C1orf21: variants seen among roughly 807,000 people sequenced by gnomAD.
C1orf21 encodes the protein uncharacterized protein C1orf21.
C1orf21 carries 3 observed loss-of-function variants against 18.7 expected under a neutral mutation model. The ratio of observed to expected loss-of-function variants is 0.16; its 90% CI spans 0.07 to 0.42. C1orf21 has a LOEUF of 0.42. Ranked by LOEUF, C1orf21 falls within the 10% of genes least tolerant of loss-of-function variation. C1orf21 has a pLI of 0.99. For synonymous variants in C1orf21, 41 were observed against 46.4 expected, an observed-to-expected ratio of 0.88 and a Z score of 0.47; for missense variants, 104 against 143.6, an observed-to-expected ratio of 0.72 and a Z score of 1.41.
At chr1:184,418,129 T>A (rs1372077408) in intron 1 of C1orf21, among the ~76,000 whole-genome samples, 2 of 151,892 alleles carry the variant, frequency 1.3e-5, no homozygotes, top group Non-Finnish European at 2.9e-5. Flanking sequence ...TGCTCATAGA[T>A]CCTGTCTCCT....
intron 1 of C1orf21, among the ~76,000 whole-genome samples, chr1:184,428,633 A>G (rs911596654): frequency 6.6e-6 from 1 of 152,244 alleles, no homozygotes. Context: ...CTTTGTAGAC[A>G]TTTAAGCAAA....
intron 3 of C1orf21, among the ~76,000 whole-genome samples, chr1:184,537,380 CAT>C (rs1196333231): frequency 6.6e-6 from 1 of 152,162 alleles, no homozygotes; most frequent in Non-Finnish European, 1.5e-5. Context: ...TAAGTGGAAT[CAT>C]ATAATGTTTG....
At chr1:184,398,092 C>T (rs751398239) in intron 1 of C1orf21, among the ~76,000 whole-genome samples, 2 of 152,118 alleles carry the variant, frequency 1.3e-5, no homozygotes, top group South Asian at 2.1e-4. Flanking sequence ...ATGGATTCAG[C>T]GGATTCTATC....
At chr1:184,545,433 T>G (rs1658715410) in intron 3 of C1orf21, among the ~76,000 whole-genome samples, 1 of 152,220 alleles carries the variant, frequency 6.6e-6, no homozygotes, top group African/African-American at 2.4e-5. Flanking sequence ...ATATATTTTT[T>G]TTTCTAGAAT....
chr1:184,565,732 T>C (rs954904656), intron 3 of C1orf21, among the ~76,000 whole-genome samples: 1 of 152,206 alleles, frequency 6.6e-6, no homozygotes, highest in African/African-American at 2.4e-5. Flanking sequence ...CCTGCATGTG[T>C]GAAATTACAC....
intron 3 of C1orf21, among the ~76,000 whole-genome samples, chr1:184,584,885 C>T (rs1289590134): frequency 6.6e-6 from 1 of 152,122 alleles, no homozygotes; most frequent in East Asian, 1.9e-4. Context: ...AGACTGAAAG[C>T]AGATCTGTGG....
chr1:184,458,794 T>C (rs1657260242), intron 1 of C1orf21, among the ~76,000 whole-genome samples: 2 of 152,220 alleles, frequency 1.3e-5, no homozygotes, highest in Non-Finnish European at 2.9e-5. Context: ...GGCATTAAAC[T>C]TTGTGTTTAG....
intron 1 of C1orf21, among the ~76,000 whole-genome samples, chr1:184,426,257 G>A (rs369819787): frequency 5.3e-5 from 8 of 152,186 alleles, no homozygotes; most frequent in African/African-American, 1.9e-4. Context: ...CTAACTGGTG[G>A]TCTTCTACTT....
chr1:184,578,807 C>T (rs914195896), intron 3 of C1orf21, among the ~76,000 whole-genome samples: 1 of 151,906 alleles, frequency 6.6e-6, no homozygotes, highest in East Asian at 1.9e-4. Flanking sequence ...TAAGGCTATC[C>T]ATAAATATTC....
chr1:184,480,746 T>A (rs1208996817), intron 2 of C1orf21, among the ~76,000 whole-genome samples: 1 of 152,224 alleles, frequency 6.6e-6, no homozygotes, highest in Non-Finnish European at 1.5e-5. Flanking sequence ...ACTGTTTTGC[T>A]TTTGGGGCAG....
rs1305651773 is a variant in C1orf21 at position 184,440,049 on chromosome 1, C to A, written c.-124-37337C>A. On this transcript the variant is annotated intron_variant, in intron 1 of 5. Coordinates refer to ENST00000235307, the MANE Select transcript of C1orf21 (RefSeq NM_030806.4). Reference sequence around the variant, plus strand: ...TTCTGAGTTCTGATTGGGGTGTTGTCCTTTGAAAGTGAGGAGCCAATAAGA... The same window carrying A: ...TTCTGAGTTCTGATTGGGGTGTTGTACTTTGAAAGTGAGGAGCCAATAAGA... Among the ~76,000 whole-genome samples, 2 of 151,900 alleles carry A rather than the reference C, an allele frequency of 1.3e-5. 1 individual carries two copies. The highest frequency in any genetic ancestry group is 4.8e-5 in the African/African-American group (2 of 41,316).
intron 1 of C1orf21, among the ~76,000 whole-genome samples, chr1:184,409,424 G>A (rs1656299019): frequency 6.6e-6 from 1 of 152,146 alleles, no homozygotes; most frequent in Non-Finnish European, 1.5e-5. Flanking sequence ...TGCAGAAAAT[G>A]ACCCACAGGT....
At chr1:184,492,674 C>T (rs1657833260) in intron 2 of C1orf21, among the ~76,000 whole-genome samples, 2 of 152,184 alleles carry the variant, frequency 1.3e-5, no homozygotes, top group Non-Finnish European at 2.9e-5. Flanking sequence ...ATCTCTGCTT[C>T]CACCTTGGCT....
intron 3 of C1orf21, among the ~76,000 whole-genome samples, chr1:184,522,728 C>G (rs1658321746): frequency 6.6e-6 from 1 of 152,150 alleles, no homozygotes; most frequent in Non-Finnish European, 1.5e-5. Flanking sequence ...CTCCGATTTG[C>G]CCAGGCTGGA....
chr1:184,439,056 T>C (rs1294279845), intron 1 of C1orf21, among the ~76,000 whole-genome samples: 1 of 151,712 alleles, frequency 6.6e-6, no homozygotes, highest in Non-Finnish European at 1.5e-5. Context: ...ACTAAAAATA[T>C]AAAAACTGGC....
intron 1 of C1orf21, among the ~76,000 whole-genome samples, chr1:184,457,562 C>T (rs1297812456): frequency 2.0e-5 from 3 of 152,118 alleles, no homozygotes; most frequent in African/African-American, 7.2e-5. Flanking sequence ...TTCACATGAA[C>T]ACTGGTTTTG....
rs1195549705 is a variant in C1orf21 at position 184,502,872 on chromosome 1, G to T, written c.95-4716G>T. Among the ~76,000 whole-genome samples the T allele has an allele frequency of 2.0e-5, 3 of 152,022 alleles. No individual in the cohort carries two copies. In the South Asian group the frequency reaches 6.2e-4, roughly 32 times the overall value. On this transcript the variant is annotated intron_variant, in intron 2 of 5. Coordinates refer to ENST00000235307, the MANE Select transcript of C1orf21 (RefSeq NM_030806.4). Reference sequence around the variant, plus strand: ...GTGGGAGGATTGCTTGGGTCCAGGAGTTTAAGACCAGCCTGGCCAACATGG... The same window carrying T: ...GTGGGAGGATTGCTTGGGTCCAGGATTTTAAGACCAGCCTGGCCAACATGG...
chr1:184,613,864 C>A (rs1211580665), intron 5 of C1orf21, among the ~76,000 whole-genome samples: 1 of 152,006 alleles, frequency 6.6e-6, no homozygotes, highest in Non-Finnish European at 1.5e-5. Flanking sequence ...GAGACTGTTT[C>A]TCCCTAGGGC....
At chr1:184,398,529 A>G (rs939412874) in intron 1 of C1orf21, among the ~76,000 whole-genome samples, 3 of 152,234 alleles carry the variant, frequency 2.0e-5, no homozygotes, top group Non-Finnish European at 4.4e-5. Flanking sequence ...TGCTCTGTAC[A>G]TAATAGATTG....
Sources: gnomAD v4.1 joint callset for allele counts (sites outside exome capture counted in the v4.1 genomes callset) on GRCh38, gnomAD v4.1.1 for gene constraint, MANE v1.5 for transcripts, NCBI Gene and HGNC (gene_info 2026-07-23, HGNC 2026-07-21) for gene names.